NGEF: variants seen among roughly 807,000 people sequenced by gnomAD.
NGEF encodes neuronal guanine nucleotide exchange factor, also known as ephexin-1.
A neutral mutation model predicts 80.9 loss-of-function variants in NGEF; 31 were observed. The observed-to-expected ratio is 0.38, with a 90% CI of 0.29 to 0.52. The LOEUF (loss-of-function observed/expected upper bound fraction) is 0.52. Among genes scored for constraint, NGEF ranks in the 20% least tolerant of loss-of-function variants. NGEF has a pLI of 0.84. For missense variants in NGEF, 709 were observed against 926.2 expected, an observed-to-expected ratio of 0.77 and a Z score of 3.04; for synonymous variants, 371 against 370.2, an observed-to-expected ratio of 1.00 and a Z score of -0.03.
At chr2:232,883,869 G>A (rs1158446952) in intron 11 of NGEF, 112 bp downstream of exon 11, 36 of 1,166,372 alleles carry the variant, frequency 3.1e-5, no homozygotes, top group Non-Finnish European at 3.8e-5. Context: ...AAACCTGACC[G>A]AAGAGCCCAA....
In NGEF at chr2:232,883,443, G is replaced by A. The variant is rs769049853; in HGVS notation, c.1625C>T (p.Ser542Leu). ...IPGDKYQVFDSAPRGLLRVEE... is the reference protein window; with the variant it reads ...IPGDKYQVFDLAPRGLLRVEE... ...CACACGCAGCAGTCCCCGCGGAGCTGAGTCAAATACCTGGTACTTGTCTCT... is the reference window on the plus strand; with the variant it reads ...CACACGCAGCAGTCCCCGCGGAGCTAAGTCAAATACCTGGTACTTGTCTCT... Residue 542 changes from serine (S) to leucine (L), a missense_variant, in exon 12 of 15, where the codon TCA becomes TTA. By Grantham distance (145) the Ser-to-Leu change is moderately radical. Around this residue, in one of 2 missense-constraint regions of NGEF, gnomAD observed 426 missense variants for 622.9 expected, o/e 0.68. Coordinates refer to ENST00000264051, the MANE Select transcript of NGEF (RefSeq NM_019850.3). 4 of 1,606,016 alleles carry A rather than the reference G, an allele frequency of 2.5e-6. No homozygotes were observed. In the Admixed American group the frequency reaches 5.1e-5, roughly 20 times the overall value.
At chr2:232,903,118 G>A (rs1214745072) in intron 5 of NGEF, among the ~76,000 whole-genome samples, 3 of 152,232 alleles carry the variant, frequency 2.0e-5, no homozygotes, top group African/African-American at 7.2e-5. Flanking sequence ...GCTAGTGTGT[G>A]AAGGCAATTA....
At position 232,974,811 on chromosome 2, in the gene NGEF, G is replaced by T. The variant is rs138859609; in HGVS notation, c.80C>A (p.Pro27Gln). 2.3e-5 allele frequency: 37 copies of T among 1,614,084 alleles called. No homozygotes were observed. Among genetic ancestry groups the T allele is most frequent in the Non-Finnish European group, 3.1e-5 (37 of 1,180,026 alleles). The change falls in exon 2 of 15, where the codon CCA becomes CAA. Residue 27 changes from proline (P) to glutamine (Q), a missense_variant. Pro to Gln is a moderately conservative substitution (Grantham distance 76, BLOSUM62 -1). Coordinates refer to ENST00000264051, the MANE Select transcript of NGEF (RefSeq NM_019850.3). ...ASDQWNTDNEPAKVKPELLPE... is the reference protein window; with the variant it reads ...ASDQWNTDNEQAKVKPELLPE... ...GAGTAACTCAGGTTTCACCTTGGCT[G>T]GTTCATTATCAGTGTTCCATTGATC...
intron 5 of NGEF, among the ~76,000 whole-genome samples, chr2:232,908,008 G>A (rs1404198923): frequency 2.6e-5 from 4 of 152,062 alleles, no homozygotes; most frequent in African/African-American, 9.7e-5. Context: ...TACTCAGGAG[G>A]CTGAGGCAGG....
At chr2:232,972,077 A>C (rs1694206255) in intron 2 of NGEF, among the ~76,000 whole-genome samples, 1 of 152,218 alleles carries the variant, frequency 6.6e-6, no homozygotes, top group African/African-American at 2.4e-5. Flanking sequence ...TTTACATTTA[A>C]AAGTACAAAC....
At chr2:232,950,288 C>G (rs927243272) in intron 3 of NGEF, among the ~76,000 whole-genome samples, 73 of 152,146 alleles carry the variant, frequency 4.8e-4, no homozygotes, top group African/African-American at 1.7e-3. Flanking sequence ...TTGTGTTTCT[C>G]TAACTGATTT....
chr2:232,923,090 A>AAAC (rs768597546), intron 4 of NGEF, among the ~76,000 whole-genome samples: 123 of 149,082 alleles, frequency 8.3e-4, no homozygotes, highest in African/African-American at 1.7e-3. Context: ...AACAAAAAAC[A>AAAC]AACAACAACA....
At chr2:233,000,840 C>T (rs918711178) in intron 1 of NGEF, among the ~76,000 whole-genome samples, 1 of 151,894 alleles carries the variant, frequency 6.6e-6, no homozygotes, top group African/African-American at 2.4e-5. Context: ...GGGGTTAGGG[C>T]ATCAACGGCT....
At position 232,888,104 on chromosome 2, in the gene NGEF, T is replaced by C; in HGVS notation, c.1276A>G (p.Ile426Val). 6.3e-7 allele frequency: 1 copy of C among 1,599,114 alleles called. No individual in the cohort carries two copies. Among genetic ancestry groups the C allele is most frequent in the Non-Finnish European group, 8.5e-7 (1 of 1,175,236 alleles). The change falls in exon 9 of 15, where the codon ATC becomes GTC. Residue 426 changes from isoleucine to valine, a missense_variant. Coordinates refer to ENST00000264051, the MANE Select transcript of NGEF (RefSeq NM_019850.3). ...GACCTCTCTTCTACCCTCTTCAGGA[T>C]GTTCTATGCACAGAGAAAGGCTGCG... Reference protein sequence around the residue: ...ITRLKLLVQNILKRVEERSER... With the variant: ...ITRLKLLVQNVLKRVEERSER...
chr2:232,929,776 G>T (rs1219322705), intron 3 of NGEF, among the ~76,000 whole-genome samples: 1 of 152,186 alleles, frequency 6.6e-6, no homozygotes, highest in Non-Finnish European at 1.5e-5. Flanking sequence ...TAGACTGGGT[G>T]TGATGTGGTT....
intron 1 of NGEF, among the ~76,000 whole-genome samples, chr2:232,988,082 T>TGTGA (rs1694574381): frequency 2.0e-5 from 3 of 147,418 alleles, no homozygotes; most frequent in Non-Finnish European, 3.0e-5. Context: ...TGTGTGTGTG[T>TGTGA]GAGTGACAAT....
intron 5 of NGEF, chr2:232,905,561 C>A (rs1400027330): frequency 7.3e-6 from 2 of 274,604 alleles, no homozygotes; most frequent in Non-Finnish European, 1.5e-5. Flanking sequence ...GCCTGGCCGC[C>A]CATCGTCTGG....
intron 5 of NGEF, among the ~76,000 whole-genome samples, chr2:232,898,837 AGT>A (rs1692176796): frequency 6.6e-6 from 1 of 152,198 alleles, no homozygotes. Flanking sequence ...AGTGGGAATG[AGT>A]GTATGTGTGC....
intron 3 of NGEF, among the ~76,000 whole-genome samples, chr2:232,969,879 A>C (rs1694149702): frequency 6.6e-6 from 1 of 152,062 alleles, no homozygotes; most frequent in Non-Finnish European, 1.5e-5. Context: ...TCAGAGGAGT[A>C]ACAATAGTTT....
At chr2:232,948,775 T>A (rs1395790700) in intron 3 of NGEF, among the ~76,000 whole-genome samples, 1 of 152,162 alleles carries the variant, frequency 6.6e-6, no homozygotes, top group African/African-American at 2.4e-5. Context: ...CCCAGCACTT[T>A]GGGAGGCCGG....
intron 3 of NGEF, among the ~76,000 whole-genome samples, chr2:232,940,166 T>C (rs1693408864): frequency 6.6e-6 from 1 of 152,216 alleles, no homozygotes; most frequent in Non-Finnish European, 1.5e-5. Flanking sequence ...CAAGAATTCA[T>C]AGTTTTTCAC....
In NGEF at chr2:232,900,578, G is replaced by A. The variant is rs28630085; in HGVS notation, c.829-5662C>T. 8.9e-3 allele frequency among the ~76,000 whole-genome samples: 558 copies of A among 62,400 alleles called. 57 individuals carry two copies. Among genetic ancestry groups the A allele is most frequent in the African/African-American group, 0.035 (485 of 13,874 alleles). 40.9% of individuals were successfully genotyped at this position (62,400 alleles called of 152,430 possible). ...TTCACTCACATTCACTCACACACAC[G>A]CTCTCACAGTCACTCATATACACGT... On this transcript the variant is annotated intron_variant, in intron 5 of 14. Coordinates refer to ENST00000264051, the MANE Select transcript of NGEF (RefSeq NM_019850.3).
chr2:232,903,927 G>A (rs938259182), intron 5 of NGEF, among the ~76,000 whole-genome samples: 7 of 152,154 alleles, frequency 4.6e-5, no homozygotes, highest in African/African-American at 1.7e-4. Context: ...CTTAAGTTGT[G>A]AAACAGGCTG....
chr2:232,904,000 G>A (rs149734164), intron 5 of NGEF, among the ~76,000 whole-genome samples: 2 of 152,164 alleles, frequency 1.3e-5, no homozygotes, highest in African/African-American at 2.4e-5. Context: ...GAGCTGCATC[G>A]CAACTTACAG....
Sources: gnomAD v4.1 joint callset for allele counts (sites outside exome capture counted in the v4.1 genomes callset) on GRCh38, gnomAD v4.1.1 for gene constraint, gnomAD v4.1.1 regional missense constraint, MANE v1.5 for transcripts, NCBI Gene and HGNC (gene_info 2026-07-23, HGNC 2026-07-21) for gene names.